The following PIBF1 variants were observed in gnomAD, a reference collection of about 807,000 sequenced individuals.
PIBF1 encodes progesterone-induced-blocking factor 1.
Under a neutral mutation model 112.5 loss-of-function variants are expected in PIBF1, and 90 were observed. The observed-to-expected ratio is 0.80, with a 90% CI of 0.67 to 0.95. The LOEUF (loss-of-function observed/expected upper bound fraction) is 0.95, where lower values mean the gene tolerates loss of function less well. Among genes scored for constraint, PIBF1 ranks in the 40% least tolerant of loss-of-function variants. The probability of loss-of-function intolerance (pLI) is 0.00; values close to 1 mark genes in which losing one functional copy is unlikely to be tolerated. For missense variants in PIBF1, 915 were observed against 852.3 expected, an observed-to-expected ratio of 1.07 and a Z score of -0.92; for synonymous variants, 301 against 288.6, an observed-to-expected ratio of 1.04 and a Z score of -0.44.
At chr13:72,939,002 T>G (rs1412752104) in intron 14 of PIBF1, among the ~76,000 whole-genome samples, 1 of 152,212 alleles carries the variant, frequency 6.6e-6, no homozygotes, top group Non-Finnish European at 1.5e-5. Flanking sequence ...ATTTGCCCAC[T>G]TTTGAATTGG....
intron 5 of PIBF1, among the ~76,000 whole-genome samples, chr13:72,807,687 G>A (rs2035805399): frequency 6.6e-6 from 1 of 152,196 alleles, no homozygotes; most frequent in Admixed American, 6.5e-5. Context: ...GGGCAGATTG[G>A]AGGAAGGTCT....
chr13:72,934,196 A>G (rs2041795879), intron 14 of PIBF1, among the ~76,000 whole-genome samples: 1 of 152,216 alleles, frequency 6.6e-6, no homozygotes, highest in African/African-American at 2.4e-5. Context: ...AACTAGATGA[A>G]TGATTAGTAT....
At chr13:72,869,374 C>A (rs534155229) in intron 10 of PIBF1, among the ~76,000 whole-genome samples, 1 of 148,300 alleles carries the variant, frequency 6.7e-6, no homozygotes, top group Admixed American at 6.9e-5. Flanking sequence ...GGACAAAAAA[C>A]CAAGCACTGC....
intron 10 of PIBF1, among the ~76,000 whole-genome samples, chr13:72,866,069 G>A (rs746526003): frequency 2.0e-5 from 3 of 152,118 alleles, no homozygotes; most frequent in Non-Finnish European, 2.9e-5. Context: ...GGGCCTCCAG[G>A]CATTCCTTGG....
At chr13:72,997,186 G>A (rs1433957652) in intron 16 of PIBF1, among the ~76,000 whole-genome samples, 1 of 152,072 alleles carries the variant, frequency 6.6e-6, no homozygotes, top group East Asian at 1.9e-4. Context: ...GAAAAGTTGT[G>A]GCTAATAAAG....
chr13:72,892,149 A>G (rs1044793942), intron 10 of PIBF1, among the ~76,000 whole-genome samples: 1 of 152,170 alleles, frequency 6.6e-6, no homozygotes, highest in Admixed American at 6.6e-5. Context: ...TGTGTATGTT[A>G]AAAGAGTGAA....
At chr13:73,004,107 C>A (rs1041505761) in intron 17 of PIBF1, among the ~76,000 whole-genome samples, 1 of 152,110 alleles carries the variant, frequency 6.6e-6, no homozygotes, top group Admixed American at 6.6e-5. Flanking sequence ...GTTGCCTTGT[C>A]AGAAAGGAAG....
chr13:72,812,643 G>A (rs2036074418), intron 5 of PIBF1, among the ~76,000 whole-genome samples: 1 of 152,056 alleles, frequency 6.6e-6, no homozygotes. Context: ...AATTAGCTGG[G>A]TGTGGTGGTG....
At chr13:72,846,158 T>C (rs2037868239) in intron 9 of PIBF1, among the ~76,000 whole-genome samples, 1 of 152,198 alleles carries the variant, frequency 6.6e-6, no homozygotes, top group African/African-American at 2.4e-5. Flanking sequence ...TTTATCCTAA[T>C]GTGTTCAGAA....
intron 9 of PIBF1, among the ~76,000 whole-genome samples, chr13:72,844,661 C>T (rs572713021): frequency 3.4e-5 from 5 of 149,080 alleles, no homozygotes; most frequent in South Asian, 2.2e-4. Context: ...AATTTGCAAA[C>T]GACATTCCAT....
chr13:72,954,442 C>G (rs1207379854), intron 14 of PIBF1, among the ~76,000 whole-genome samples: 1 of 152,212 alleles, frequency 6.6e-6, no homozygotes, highest in East Asian at 1.9e-4. Flanking sequence ...CTCAGGAGCT[C>G]TTTTCAACCT....
chr13:72,832,912 C>T (rs1042505032), intron 8 of PIBF1, among the ~76,000 whole-genome samples: 9 of 59,102 alleles, frequency 1.5e-4, no homozygotes, highest in African/African-American at 2.5e-4. Context: ...ACCAATCAAA[C>T]GTATTTTTGT....
chr13:72,951,057 A>G (rs1187839680), intron 14 of PIBF1, among the ~76,000 whole-genome samples: 1 of 152,222 alleles, frequency 6.6e-6, no homozygotes. Flanking sequence ...GCAATCAGAT[A>G]TCTCTAGTAT....
At chr13:72,875,654 T>C (rs2039365234) in intron 10 of PIBF1, among the ~76,000 whole-genome samples, 1 of 152,220 alleles carries the variant, frequency 6.6e-6, no homozygotes, top group African/African-American at 2.4e-5. Context: ...TAGTGGTATC[T>C]CATTGTTGTT....
At chr13:72,962,095 T>C (rs1277421578) in intron 14 of PIBF1, among the ~76,000 whole-genome samples, 3 of 152,174 alleles carry the variant, frequency 2.0e-5, no homozygotes, top group South Asian at 2.1e-4. Context: ...TACTGACTTA[T>C]AATTTATTAC....
rs139264349 is a variant in PIBF1, at chr13:72,936,607, A to G, written c.1833+5340A>G. On this transcript the variant is annotated intron_variant, in intron 14 of 17. Transcript: ENST00000326291. ...TAGCATCATTTGTTGAGAAACAATC[A>G]TTTATGTGTGAGACTGTTCTCGACT... 5.4e-3 allele frequency among the ~76,000 whole-genome samples: 815 copies of G among 152,286 alleles called. 15 individuals are homozygous for G. The highest frequency in any genetic ancestry group is 0.018 in the African/African-American group (764 of 41,574).
At chr13:72,906,259 C>T (rs901991497) in intron 11 of PIBF1, among the ~76,000 whole-genome samples, 2 of 151,898 alleles carry the variant, frequency 1.3e-5, no homozygotes, top group Non-Finnish European at 1.5e-5. Context: ...CTCCCAGAAG[C>T]GTTGGCTTTA....
intron 5 of PIBF1, among the ~76,000 whole-genome samples, chr13:72,818,430 C>T (rs1344332336): frequency 1.3e-5 from 2 of 152,094 alleles, no homozygotes; most frequent in African/African-American, 4.8e-5. Context: ...TAGTGATTGC[C>T]TTTTCTCCAT....
rs114942614 is a variant in PIBF1 at position 72,822,085 on chromosome 13, T to C, written c.806+103T>C. 1,215 of 1,025,806 alleles carry C rather than the reference T, an allele frequency of 1.2e-3. 20 individuals are homozygous for C. The African/African-American group carries it at 0.018, about 15-fold the overall frequency. 63.5% of individuals were successfully genotyped at this position (1,025,806 alleles called of 1,614,324 possible). A position where few individuals can be genotyped will look rare whatever the true frequency, so the allele number is the denominator to read the frequency against. On this transcript the variant is annotated intron_variant, in intron 6 of 17. Transcript: ENST00000326291. ...TCAGTTGTTAATTTTACTTTTACCT[T>C]ATTCTTCTTTGCACAAATGCATGCA...
Sources: allele counts gnomAD v4.1 joint callset (sites outside exome capture counted in the v4.1 genomes callset), GRCh38; gene constraint gnomAD v4.1.1; transcripts MANE v1.5; gene names NCBI Gene and HGNC (gene_info 2026-07-23, HGNC 2026-07-21).